Variants in ITSN1 observed in about 807,000 individuals in gnomAD.
ITSN1 encodes intersectin 1, also known as intersectin-1.
A neutral mutation model predicts 239.8 loss-of-function variants in ITSN1; 58 were observed. The observed-to-expected ratio is 0.24, with a 90% CI of 0.20 to 0.30. ITSN1 has a LOEUF of 0.30. Ranked by LOEUF, ITSN1 falls within the 10% of genes least tolerant of loss-of-function variation. The probability of loss-of-function intolerance (pLI) is 1.00; values close to 1 mark genes in which losing one functional copy is unlikely to be tolerated. For missense variants in ITSN1, 1,558 were observed against 2,103.3 expected (o/e 0.74, Z 5.07); for synonymous variants, 780 against 770.8 (o/e 1.01, Z -0.20).
At chr21:33,859,062 G>C (rs1820859255) in intron 31 of ITSN1, among the ~76,000 whole-genome samples, 2 of 152,192 alleles carry the variant, frequency 1.3e-5, no homozygotes, top group African/African-American at 4.8e-5. Context: ...TGAATTTCCA[G>C]GGCTAGGGCG....
rs566347849 is a variant in ITSN1 at position 33,810,486 on chromosome 21, G to GT, written c.2320-478dup. On this transcript the variant is annotated intron_variant, in intron 20 of 39. Transcript: ENST00000381318. ...CTCGTGGAAACCATTTAAGGCCATG[G>GT]TTTTTTTTTTTAAATCTTCCTTGTC... Among the ~76,000 whole-genome samples the GT allele has an allele frequency of 5.4e-4, 80 of 147,452 alleles. No individual in the cohort carries two copies. The East Asian group carries it at 5.7e-3, about 11-fold the overall frequency.
At chr21:33,776,051 T>C (rs559378409) in intron 14 of ITSN1, among the ~76,000 whole-genome samples, 5 of 152,318 alleles carry the variant, frequency 3.3e-5, no homozygotes, top group South Asian at 4.1e-4. Flanking sequence ...AATGACTCTT[T>C]TGTTTCTTTT....
At position 33,705,583 on chromosome 21, in the gene ITSN1, A is replaced by G. The variant is rs1054336172; in HGVS notation, c.-32-13214A>G. Among the ~76,000 whole-genome samples the G allele has an allele frequency of 3.3e-5, 5 of 151,814 alleles. No homozygotes were observed. In the East Asian group the frequency reaches 7.7e-4, roughly 23 times the overall value. ...TTTTTTTTGTATTTTTAGTAGAGAC[A>G]GGGTTTCACTGTGTTAGCCAGGATA... is the stretch of plus-strand genomic sequence containing the variant. On this transcript the variant is annotated intron_variant, in intron 1 of 39. Coordinates refer to ENST00000381318, the MANE Select transcript of ITSN1 (RefSeq NM_003024.3).
intron 26 of ITSN1, chr21:33,829,299 T>G: frequency 2.9e-6 from 1 of 347,666 alleles, no homozygotes; most frequent in East Asian, 7.1e-5. Flanking sequence ...TTCTGGGTAA[T>G]TATGGGAGGG....
In ITSN1 at chr21:33,893,770, C is replaced by T. The variant is rs1469117301; in HGVS notation, c.*5470C>T. ...AGTTCTAGAATTCCTGTTTCCTCAG[C>T]CTGCACTGTATCAGATCCAGGATAT... is the stretch of plus-strand genomic sequence containing the variant. On this transcript the variant is annotated 3_prime_UTR_variant, in exon 40 of 40. Transcript: ENST00000381318. The T allele has an allele frequency of 6.6e-6, 1 of 152,126 alleles. No homozygotes were observed. The highest frequency in any genetic ancestry group is 1.9e-4 in the East Asian group (1 of 5,198). 9.4% of individuals were successfully genotyped at this position (152,126 alleles called of 1,614,324 possible).
intron 35 of ITSN1, among the ~76,000 whole-genome samples, chr21:33,883,183 C>G (rs943159287): frequency 6.6e-6 from 1 of 152,208 alleles, no homozygotes; most frequent in Non-Finnish European, 1.5e-5. Context: ...CCAGGAAAAG[C>G]GACACCAGCC....
chr21:33,781,822 A>G (rs1417893732), intron 15 of ITSN1, among the ~76,000 whole-genome samples, 172 bp from the exon 16 acceptor site: 1 of 152,170 alleles, frequency 6.6e-6, no homozygotes, highest in South Asian at 2.1e-4. Flanking sequence ...CAGGTGATCC[A>G]TCCACTTTGG....
At chr21:33,744,659 A>C (rs183589171) in intron 5 of ITSN1, among the ~76,000 whole-genome samples, 1 of 152,358 alleles carries the variant, frequency 6.6e-6, no homozygotes, top group East Asian at 1.9e-4. Context: ...CCCATCTTGT[A>C]ATACTGGTCA....
chr21:33,861,734 C>T (rs1980568785), intron 31 of ITSN1, among the ~76,000 whole-genome samples: 1 of 151,990 alleles, frequency 6.6e-6, no homozygotes, highest in South Asian at 2.1e-4. Context: ...ATCATGAGGT[C>T]AGGAGATTGA....
intron 20 of ITSN1, among the ~76,000 whole-genome samples, chr21:33,810,019 C>G (rs2072785166): frequency 6.6e-6 from 1 of 152,076 alleles, no homozygotes; most frequent in African/African-American, 2.4e-5. Flanking sequence ...TCTCAAACTT[C>G]CGACCTCTGG....
chr21:33,871,528 G>A (rs1354527278), intron 33 of ITSN1, among the ~76,000 whole-genome samples: 1 of 152,134 alleles, frequency 6.6e-6, no homozygotes, highest in African/African-American at 2.4e-5. Flanking sequence ...CAGATCCCGA[G>A]GTCAAGAGAT....
chr21:33,767,120 A>T (rs2068782191), intron 10 of ITSN1, among the ~76,000 whole-genome samples: 1 of 152,186 alleles, frequency 6.6e-6, no homozygotes. Context: ...GTGAGCCAAG[A>T]TTGCACCATT....
chr21:33,643,098 C>T (rs1385428224), intron 1 of ITSN1, among the ~76,000 whole-genome samples: 1 of 150,912 alleles, frequency 6.6e-6, no homozygotes, highest in Non-Finnish European at 1.5e-5. Flanking sequence ...TCGCTGCCCT[C>T]GGCCGCCGGC....
At chr21:33,711,550 TTTTC>T (rs990004319) in intron 1 of ITSN1, among the ~76,000 whole-genome samples, 9 of 152,084 alleles carry the variant, frequency 5.9e-5, no homozygotes, top group African/African-American at 1.2e-4. Context: ...TTCTGTTTTT[TTTTC>T]TTTCTTTCTT....
At chr21:33,768,434 C>T (rs1211075414) in intron 11 of ITSN1, among the ~76,000 whole-genome samples, 1 of 152,034 alleles carries the variant, frequency 6.6e-6, no homozygotes, top group Non-Finnish European at 1.5e-5. Flanking sequence ...GGCACATGCA[C>T]CACGCCCGGC....
chr21:33,837,397 A>G, intron 29 of ITSN1: 4 of 990,524 alleles, frequency 4.0e-6, no homozygotes, highest in Non-Finnish European at 4.8e-6. Flanking sequence ...TGGTTTTGCA[A>G]AAAGACCCAC....
intron 33 of ITSN1, 117 bp from the exon 34 acceptor site, chr21:33,875,237 G>A: frequency 1.8e-6 from 2 of 1,097,262 alleles, no homozygotes; most frequent in Non-Finnish European, 2.7e-6. Context: ...GCTCAAGTGG[G>A]CGCCGTCCAT....
rs1981383654 is a variant in ITSN1, at chr21:33,865,392, G to A, written c.4074+58G>A. The A allele has an allele frequency of 1.5e-6, 2 of 1,333,438 alleles. 1 individual carries two copies. The highest frequency in any genetic ancestry group is 3.0e-5 in the African/African-American group (2 of 67,654). 82.6% of individuals were successfully genotyped at this position (1,333,438 alleles called of 1,614,324 possible). A position where few individuals can be genotyped will look rare whatever the true frequency, so the allele number is the denominator to read the frequency against. ...CAGAGTGGCGATCTTTGGGCAGCTG[G>A]ATGTGTGAGGGGCTAATTCAAAAGT... is the stretch of plus-strand genomic sequence containing the variant. On this transcript the variant is annotated intron_variant, in intron 32 of 39. Coordinates refer to ENST00000381318, the MANE Select transcript of ITSN1 (RefSeq NM_003024.3). This position sits in a 1 kb window ranked among gnomAD's most constrained non-coding sequence, Gnocchi z 4.4.
intron 16 of ITSN1, among the ~76,000 whole-genome samples, chr21:33,786,601 T>C (rs2070699807): frequency 6.6e-6 from 1 of 152,182 alleles, no homozygotes; most frequent in South Asian, 2.1e-4. Context: ...AGCCTAATGT[T>C]CCATATTTTA....
Sources: gnomAD v4.1 joint callset for allele counts (sites outside exome capture counted in the v4.1 genomes callset) on GRCh38, gnomAD v4.1.1 for gene constraint, Gnocchi (gnomAD v3.1) non-coding constraint, MANE v1.5 for transcripts, NCBI Gene and HGNC (gene_info 2026-07-23, HGNC 2026-07-21) for gene names.